The following HERC3 variants were observed in gnomAD, a reference collection of about 807,000 sequenced individuals.
The protein encoded by HERC3 is probable E3 ubiquitin-protein ligase HERC3.
HERC3 carries 58 observed loss-of-function variants against 129.9 expected under a neutral mutation model. The ratio of observed to expected loss-of-function variants is 0.45; its 90% CI spans 0.36 to 0.56. HERC3 has a LOEUF of 0.56. Among genes scored for constraint, HERC3 ranks in the 20% least tolerant of loss-of-function variants. The pLI is 0.00. For synonymous variants in HERC3, 430 were observed against 451.0 expected (o/e 0.95, Z 0.59); for missense variants, 835 against 1,244.2 (o/e 0.67, Z 4.95).
rs746570892 is a variant in HERC3 at position 88,681,267 on chromosome 4, T to G, written c.2449T>G (p.Leu817Val). 6.2e-7 allele frequency: 1 copy of G among 1,614,060 alleles called. No homozygotes were observed. Among genetic ancestry groups the G allele is most frequent in the South Asian group, 1.1e-5 (1 of 91,056 alleles). Residue 817 changes from leucine to valine, a missense_variant, in exon 21 of 26, where the codon TTA (leucine) becomes GTA (valine). By Grantham distance (32) the Leu-to-Val change is conservative (BLOSUM62 1). Coordinates refer to ENST00000402738, the MANE Select transcript of HERC3 (RefSeq NM_014606.3). ...CTTCCCATTGGCTCTCTACAAGAAG[T>G]TACTCAATGTAAAGCCTGGCTTGGA... ...LHFPLALYKK[L>V]LNVKPGLEDL...
At chr4:88,654,925 G>C (rs1428090014) in intron 7 of HERC3, among the ~76,000 whole-genome samples, 2 of 152,018 alleles carry the variant, frequency 1.3e-5, no homozygotes, top group African/African-American at 2.4e-5. Flanking sequence ...ACTTTCAAAC[G>C]ATTTTAAAAA....
Position 88,625,738 on chromosome 4 carries a change from T to G in HERC3, c.226+19689T>G, listed in dbSNP as rs74496988. 7.1e-4 allele frequency among the ~76,000 whole-genome samples: 108 copies of G among 152,334 alleles called. 1 individual carries two copies. Among genetic ancestry groups the G allele is most frequent in the African/African-American group, 2.3e-3 (97 of 41,588 alleles). On this transcript the variant is annotated intron_variant, in intron 3 of 25. Transcript: ENST00000402738. ...ACATCCTCACCTTGTTCCTGATGAA[T>G]AGGAAAGCATTCATCTTTCACCATT...
At chr4:88,686,941 CTTGAGTGTTAT>C in intron 22 of HERC3, 139 bp downstream of exon 22, 1 of 713,722 alleles carries the variant, frequency 1.4e-6, no homozygotes, top group Non-Finnish European at 2.4e-6. Context: ...GTCATAGTGT[CTTGAGTGTTAT>C]AGGGGTTCAG....
intron 3 of HERC3, among the ~76,000 whole-genome samples, chr4:88,609,664 A>G (rs560430492): frequency 6.6e-6 from 1 of 152,326 alleles, no homozygotes; most frequent in African/African-American, 2.4e-5. Flanking sequence ...TTCACATGAT[A>G]AAGAAGACAC....
the HERC3 span, among the ~76,000 whole-genome samples, chr4:88,540,243 G>A: frequency 3.9e-5 from 6 of 152,262 alleles, no homozygotes; most frequent in East Asian, 3.9e-4. Flanking sequence ...GTGTAGAGAA[G>A]ACCTTAAATG....
intron 16 of HERC3, among the ~76,000 whole-genome samples, chr4:88,673,467 G>A (rs113217603): frequency 2.6e-5 from 4 of 152,106 alleles, no homozygotes; most frequent in African/African-American, 7.2e-5. Flanking sequence ...TTAAAAATGA[G>A]CTTAGGTCAC....
At chr4:88,604,095 A>G (rs916492546) in intron 2 of HERC3, among the ~76,000 whole-genome samples, 3 of 151,634 alleles carry the variant, frequency 2.0e-5, no homozygotes, top group Non-Finnish European at 4.4e-5. Context: ...ACCTCAGCTC[A>G]CTGCAACCTC....
intron 2 of HERC3, among the ~76,000 whole-genome samples, chr4:88,599,912 G>A (rs938821530): frequency 9.2e-5 from 14 of 152,314 alleles, no homozygotes; most frequent in African/African-American, 3.1e-4. Context: ...GACACATTGG[G>A]AAGTCTGGCC....
At chr4:88,645,002 A>G (rs1291179044) in intron 3 of HERC3, among the ~76,000 whole-genome samples, 1 of 152,186 alleles carries the variant, frequency 6.6e-6, no homozygotes, top group African/African-American at 2.4e-5. Flanking sequence ...GATGAAAATT[A>G]GATACCAGGC....
rs1733583566 is a variant in HERC3 at position 88,687,283 on chromosome 4, G to A, written c.2641G>A (p.Val881Met). 1 of 1,611,424 alleles carries A rather than the reference G, an allele frequency of 6.2e-7. No homozygotes were observed. The highest frequency in any genetic ancestry group is 1.3e-5 in the African/African-American group (1 of 74,852). The change falls in exon 23 of 26, where the codon GTG becomes ATG. Residue 881 changes from valine to methionine, a missense_variant. Val to Met is a conservative substitution (Grantham distance 21, BLOSUM62 1). Coordinates refer to ENST00000402738, the MANE Select transcript of HERC3 (RefSeq NM_014606.3). ...GATACCTGGGGGAGATAATGTAACT[G>A]TGTGCAAGGATAACAGGTTAGTCCT... ...KLIPGGDNVT[V>M]CKDNRQEFVD...
chr4:88,675,076 T>G (rs942531356), intron 16 of HERC3, among the ~76,000 whole-genome samples: 1 of 152,240 alleles, frequency 6.6e-6, no homozygotes, highest in Admixed American at 6.5e-5. Context: ...TCATTGATTT[T>G]ATGTGATGAT....
intron 3 of HERC3, among the ~76,000 whole-genome samples, chr4:88,621,075 A>G (rs372181547): frequency 3.9e-5 from 6 of 152,252 alleles, no homozygotes; most frequent in African/African-American, 1.4e-4. Flanking sequence ...CTCAACACCT[A>G]GAACATTGTG....
rs1320936517 is a variant in HERC3, at chr4:88,602,064, A to AG, written c.-29-3731_-29-3730insG. ...GAGCGAGACTCCGTCTCAAAAAAAA[A>AG]AAAAAAAAAGAAAAGGATATTCAGA... On this transcript the variant is annotated intron_variant, in intron 2 of 25. Transcript: ENST00000402738. Among the ~76,000 whole-genome samples the AG allele has an allele frequency of 1.3e-5, 2 of 148,702 alleles. 1 individual carries two copies. Among genetic ancestry groups the AG allele is most frequent in the East Asian group, 4.0e-4 (2 of 5,036 alleles).
At chr4:88,530,167 A>G in the HERC3 span, among the ~76,000 whole-genome samples, 1 of 151,756 alleles carries the variant, frequency 6.6e-6, no homozygotes, top group African/African-American at 2.4e-5. Flanking sequence ...GGCAGTGCCT[A>G]TAATCCCAGC....
In HERC3 at chr4:88,670,163, GA is replaced by G; in HGVS notation, c.1824del (p.Glu608AspfsTer30). On this transcript the variant is annotated frameshift_variant, in exon 16 of 26. Transcript: ENST00000402738. LOFTEE classifies it high-confidence loss of function. ...YKVNLKVKHV[E>X]YDTFYIPEIS... ...GGTAAATCTTAAAGTGAAGCATGTGGAATATGATACATTTTACATTCCTGAG... is the reference window on the plus strand; with the variant it reads ...GGTAAATCTTAAAGTGAAGCATGTGGATATGATACATTTTACATTCCTGAG... The G allele has an allele frequency of 6.2e-7, 1 of 1,613,242 alleles. No homozygotes were observed. Among genetic ancestry groups the G allele is most frequent in the South Asian group, 1.1e-5 (1 of 91,056 alleles).
the HERC3 span, among the ~76,000 whole-genome samples, chr4:88,579,535 T>C: frequency 6.6e-6 from 1 of 152,108 alleles, no homozygotes; most frequent in African/African-American, 2.4e-5. Flanking sequence ...TATTTGTTAT[T>C]GGTATGTAGA....
At chr4:88,635,910 G>A (rs763528070) in intron 3 of HERC3, among the ~76,000 whole-genome samples, 2 of 152,092 alleles carry the variant, frequency 1.3e-5, no homozygotes, top group Non-Finnish European at 2.9e-5. Flanking sequence ...AGCTTCATAA[G>A]CTAAGGAGAA....
chr4:88,604,021 TAC>T (rs1260622936), intron 2 of HERC3, among the ~76,000 whole-genome samples: 13 of 152,074 alleles, frequency 8.5e-5, no homozygotes, highest in African/African-American at 3.1e-4. Flanking sequence ...CCATAAAATT[TAC>T]TTTTTTTTTT....
intron 23 of HERC3, among the ~76,000 whole-genome samples, chr4:88,698,353 C>T (rs1263999814): frequency 1.3e-5 from 2 of 151,972 alleles, no homozygotes; most frequent in Non-Finnish European, 2.9e-5. Flanking sequence ...AAGCTCTGTA[C>T]CTATGTGTCC....
Sources: allele counts gnomAD v4.1 joint callset (sites outside exome capture counted in the v4.1 genomes callset), GRCh38; gene constraint gnomAD v4.1.1; transcripts MANE v1.5; gene names NCBI Gene and HGNC (gene_info 2026-07-23, HGNC 2026-07-21).